Variants in BEND2 observed in about 807,000 individuals in gnomAD.
BEND2 encodes BEN domain containing 2.
In BEND2, 19 loss-of-function variants were observed where a neutral mutation model predicts 43.8. The ratio of observed to expected loss-of-function variants is 0.43; its 90% CI spans 0.30 to 0.64. The LOEUF (loss-of-function observed/expected upper bound fraction) is 0.64, where lower values mean the gene tolerates loss of function less well. Among genes scored for constraint, BEND2 ranks in the 30% least tolerant of loss-of-function variants. BEND2 has a pLI of 0.11. For missense variants in BEND2, 544 were observed against 574.0 expected, an observed-to-expected ratio of 0.95 and a Z score of 0.53; for synonymous variants, 226 against 210.1, an observed-to-expected ratio of 1.08 and a Z score of -0.66.
rs41309597 is a variant in BEND2 at position 18,164,141 on chromosome X, G to A, written c.*868C>T. ...AGGTTCAAGTGATTCTCCTGCCTCA[G>A]CCACCCGAGTAACTGGGACTACAGG... On this transcript the variant is annotated 3_prime_UTR_variant, in exon 14 of 14. Transcript: ENST00000380033. The A allele has an allele frequency of 0.35, 38,335 of 109,950 alleles. 6,035 individuals carry two copies. The highest frequency in any genetic ancestry group is 0.48 in the Non-Finnish European group (25,438 of 52,603). The allele number at this position is 109,950 out of a possible 1,213,427, so 9.1% of individuals were successfully genotyped here. A position where few individuals can be genotyped will look rare whatever the true frequency, so the allele number is the denominator to read the frequency against.
rs983953112 is a variant in BEND2 at position 18,191,095 on chromosome X, T to C, written c.1194A>G (p.Gln398=). 1.9e-5 allele frequency: 23 copies of C among 1,200,933 alleles called. No individual in the cohort carries two copies. Among genetic ancestry groups the C allele is most frequent in the Non-Finnish European group, 2.5e-5 (22 of 889,681 alleles). Reference sequence around the variant, plus strand: ...AGTAACTCATTGTCCCATAACTCATTTGTGGGCCAGATTCTGTTTTGAACA... The same window carrying C: ...AGTAACTCATTGTCCCATAACTCATCTGTGGGCCAGATTCTGTTTTGAACA... ...PITSNFESGP[Q]MSYGTMSYST... The change falls in exon 8 of 14, where the codon CAA becomes CAG. Residue 398 remains glutamine, a synonymous_variant. Transcript: ENST00000380033.
chrX:18,183,746 C>T (rs932630983), intron 8 of BEND2, among the ~76,000 whole-genome samples: 5 of 111,872 alleles, frequency 4.5e-5, no homozygotes, highest in African/African-American at 9.7e-5. Context: ...TGTGGGCCTG[C>T]GGCAGTGGTG....
chrX:18,199,894 T>C (rs775646944), intron 6 of BEND2, among the ~76,000 whole-genome samples: 76 of 111,401 alleles, frequency 6.8e-4, no homozygotes, highest in Non-Finnish European at 1.3e-3. Flanking sequence ...AACAGAAATA[T>C]GAATGTGGAG....
At chrX:18,168,223 C>T (rs772474327) in intron 13 of BEND2, among the ~76,000 whole-genome samples, 1 of 111,861 alleles carries the variant, frequency 8.9e-6, no homozygotes, top group South Asian at 3.8e-4. Flanking sequence ...CTCTCTCACT[C>T]GGTTCTGAAC....
At chrX:18,179,061 C>T (rs1156554129) in intron 9 of BEND2, among the ~76,000 whole-genome samples, 3 of 110,749 alleles carry the variant, frequency 2.7e-5, no homozygotes, top group African/African-American at 9.9e-5. Context: ...CAGTCAACTG[C>T]CATAAATGTT....
intron 9 of BEND2, among the ~76,000 whole-genome samples, chrX:18,178,667 T>C (rs1419297798): frequency 1.8e-5 from 2 of 111,665 alleles, no homozygotes; most frequent in Non-Finnish European, 3.8e-5. Flanking sequence ...ACATTTATGT[T>C]GTACTTACAT....
intron 6 of BEND2, among the ~76,000 whole-genome samples, chrX:18,197,749 T>C (rs1014724596): frequency 4.5e-5 from 5 of 111,613 alleles, no homozygotes; most frequent in African/African-American, 1.3e-4. Context: ...TCTCCTTGAG[T>C]AATGATATGG....
chrX:18,174,650 T>A (rs1413264459), intron 11 of BEND2, among the ~76,000 whole-genome samples: 1 of 112,118 alleles, frequency 8.9e-6, no homozygotes, highest in Non-Finnish European at 1.9e-5. Flanking sequence ...GGCTGCCCAT[T>A]TGAATGACCT....
intron 4 of BEND2, among the ~76,000 whole-genome samples, chrX:18,204,273 A>C (rs1925263419): frequency 8.9e-6 from 1 of 112,320 alleles, no homozygotes; most frequent in Admixed American, 9.5e-5. Context: ...CATTCTTCCA[A>C]GGGAATTGTA....
intron 9 of BEND2, among the ~76,000 whole-genome samples, chrX:18,179,179 GT>G (rs1164362773): frequency 0.013 from 774 of 58,347 alleles, 7 homozygotes; most frequent in African/African-American, 0.05. Flanking sequence ...TTTTGTTTCT[GT>G]TTTTTTTTTT....
intron 1 of BEND2, 61 bp downstream of exon 1, chrX:18,220,665 C>G (rs1295261154): frequency 1.7e-6 from 2 of 1,201,495 alleles, no homozygotes; most frequent in Non-Finnish European, 2.3e-6. Flanking sequence ...GGGTGCCATC[C>G]AGACTCTTGA....
intron 1 of BEND2, among the ~76,000 whole-genome samples, chrX:18,219,934 G>GCAAAAA (rs1925807348): frequency 9.5e-6 from 1 of 104,719 alleles, no homozygotes; most frequent in Admixed American, 1.0e-4. Flanking sequence ...ACAAAACCAA[G>GCAAAAA]CAAAAACAAA....
In BEND2 at chrX:18,186,234, G is replaced by A. The variant is rs143223139; in HGVS notation, c.1288+4767C>T. On this transcript the variant is annotated intron_variant, in intron 8 of 13. Transcript: ENST00000380033. ...GCATTTTGGGAGGCCGAGGCAGGCA[G>A]AGCATCTGAGGTCAGGAGTTTGACA... is the stretch of plus-strand genomic sequence containing the variant. 8.5e-3 allele frequency among the ~76,000 whole-genome samples: 950 copies of A among 111,414 alleles called. 15 individuals carry two copies. Among genetic ancestry groups the A allele is most frequent in the African/African-American group, 0.029 (902 of 30,606 alleles).
At chrX:18,179,976 A>G (rs901744925) in intron 9 of BEND2, among the ~76,000 whole-genome samples, 2 of 112,422 alleles carry the variant, frequency 1.8e-5, no homozygotes, top group Non-Finnish European at 3.8e-5. Flanking sequence ...TAGGAGTTTG[A>G]TAACAGCCTG....
intron 5 of BEND2, among the ~76,000 whole-genome samples, chrX:18,203,276 A>G (rs1184863359): frequency 9.0e-6 from 1 of 111,523 alleles, no homozygotes; most frequent in African/African-American, 3.3e-5. Flanking sequence ...GCCGAAAGTC[A>G]GACACACAAA....
At chrX:18,218,411 G>A (rs894965390) in intron 1 of BEND2, among the ~76,000 whole-genome samples, 3 of 112,301 alleles carry the variant, frequency 2.7e-5, no homozygotes, top group Non-Finnish European at 5.6e-5. Flanking sequence ...TTTAAGACAA[G>A]CTTTTGTATA....
rs1923960967 is a variant in BEND2 at position 18,171,098 on chromosome X, T to C, written c.2088A>G (p.Lys696=). 8.3e-7 allele frequency: 1 copy of C among 1,211,397 alleles called. No homozygotes were observed. The highest frequency in any genetic ancestry group is 1.1e-6 in the Non-Finnish European group (1 of 895,119). The change falls in exon 13 of 14, where the codon AAA becomes AAG. Residue 696 remains lysine (K), a synonymous_variant. Transcript: ENST00000380033. ...GGACCAGGACATCTTTTGTGAAGAG[T>C]TTCTGAATAAGGTATCTAGCCGACA... ...ASLSARYLIQ[K]LFTKDVLVQS... is the part of the protein sequence containing the mutation.
At chrX:18,192,139 T>C (rs1473213726) in intron 7 of BEND2, among the ~76,000 whole-genome samples, 3 of 112,201 alleles carry the variant, frequency 2.7e-5, no homozygotes. Context: ...TGTTGTTTTC[T>C]AATAAAGGTC....
At chrX:18,175,208 C>G (rs1304098356) in intron 11 of BEND2, among the ~76,000 whole-genome samples, 1 of 111,975 alleles carries the variant, frequency 8.9e-6, no homozygotes, top group Admixed American at 9.5e-5. Flanking sequence ...CTGAAATCAA[C>G]CCGTTCACCA....
Sources: allele counts gnomAD v4.1 joint callset (sites outside exome capture counted in the v4.1 genomes callset), GRCh38; gene constraint gnomAD v4.1.1; transcripts MANE v1.5; gene names NCBI Gene and HGNC (gene_info 2026-07-23, HGNC 2026-07-21).